Variants in SARDH observed in about 807,000 individuals in gnomAD.
The protein encoded by SARDH is sarcosine dehydrogenase, mitochondrial.
In SARDH, 95 loss-of-function variants were observed where a neutral mutation model predicts 109.1. The ratio of observed to expected loss-of-function variants is 0.87; its 90% CI spans 0.74 to 1.03. The LOEUF is 1.03. SARDH is among the 50% of genes least tolerant of loss of function. The pLI is 0.00. For missense variants in SARDH, 1,267 were observed against 1,287.8 expected, an observed-to-expected ratio of 0.98 and a Z score of 0.25; for synonymous variants, 572 against 534.8, an observed-to-expected ratio of 1.07 and a Z score of -0.96.
chr9:133,714,304 G>A (rs1832040550), intron 8 of SARDH, among the ~76,000 whole-genome samples: 1 of 152,194 alleles, frequency 6.6e-6, no homozygotes, highest in African/African-American at 2.4e-5. Context: ...GGCCAGGAGA[G>A]GCAGGGCTCC....
Position 133,712,815 on chromosome 9 carries a change from T to G in SARDH, c.1238-106A>C. The G allele has an allele frequency of 8.8e-7, 1 of 1,133,838 alleles. No individual in the cohort carries two copies. Among genetic ancestry groups the G allele is most frequent in the Non-Finnish European group, 1.3e-6 (1 of 783,488 alleles). 70.2% of individuals were successfully genotyped at this position (1,133,838 alleles called of 1,614,324 possible). A position where few individuals can be genotyped will look rare whatever the true frequency, so the allele number is the denominator to read the frequency against. On this transcript the variant is annotated intron_variant, in intron 9 of 20. Coordinates refer to ENST00000439388, the MANE Select transcript of SARDH (RefSeq NM_001134707.2). This position sits in a 1 kb window ranked among gnomAD's most constrained non-coding sequence, Gnocchi z 4.1. ...CGGACAGCACAGACACTCCAAGCTC[T>G]GCTCTCACACCTGGGGTGCTGCACG... is the stretch of plus-strand genomic sequence containing the variant.
intron 11 of SARDH, among the ~76,000 whole-genome samples, chr9:133,705,853 C>A (rs1050942220): frequency 6.6e-6 from 1 of 152,176 alleles, no homozygotes; most frequent in South Asian, 2.1e-4. Flanking sequence ...TAATCCCATA[C>A]GGCTGGAGCC....
At chr9:133,674,261 G>A (rs1021458313) in intron 17 of SARDH, among the ~76,000 whole-genome samples, 5 of 152,230 alleles carry the variant, frequency 3.3e-5, no homozygotes, top group African/African-American at 9.6e-5. Context: ...TGGGAACAGC[G>A]TCTCCCAGCG....
At chr9:133,729,073 G>T (rs573858874) in intron 6 of SARDH, among the ~76,000 whole-genome samples, 1 of 152,036 alleles carries the variant, frequency 6.6e-6, no homozygotes, top group East Asian at 1.9e-4. Context: ...AGGGATGAAG[G>T]AATAAATGGG....
intron 17 of SARDH, among the ~76,000 whole-genome samples, chr9:133,672,079 A>G (rs2519121): frequency 0.54 from 82,878 of 152,098 alleles, 23,218 homozygotes; most frequent in East Asian, 0.79. Flanking sequence ...CCATGTGGGC[A>G]AGCCACGCTT....
intron 17 of SARDH, among the ~76,000 whole-genome samples, chr9:133,673,631 A>G (rs1046045846): frequency 1.3e-5 from 2 of 151,976 alleles, no homozygotes; most frequent in Admixed American, 1.3e-4. Context: ...CTCCTAAAAA[A>G]CTCAAAATTG....
At chr9:133,694,042 A>G (rs12345624) in intron 15 of SARDH, among the ~76,000 whole-genome samples, 6,503 of 152,302 alleles carry the variant, frequency 0.043, 387 homozygotes, top group African/African-American at 0.12. Flanking sequence ...AGATGCAATC[A>G]CTGAGTACTG....
In SARDH at chr9:133,690,420, A is replaced by G. The variant is rs772279511; in HGVS notation, c.2029T>C (p.Ser677Pro). 1.2e-6 allele frequency: 2 copies of G among 1,613,224 alleles called. No individual in the cohort carries two copies. The highest frequency in any genetic ancestry group is 4.5e-5 in the East Asian group (2 of 44,862). ...ATACTGATCATACCCAGGTCCTCGG[A>G]GCTGTCGATGAGCTGGCACTGGGAC... ...QKSQCQLIDS[S>P]EDLGMISIQG... is the part of the protein sequence containing the mutation. Residue 677 changes from serine (S) to proline (P), a missense_variant, in exon 16 of 21, where the codon TCC (serine) becomes CCC (proline). Transcript: ENST00000439388.
At chr9:133,735,324 C>G (rs535223156) in intron 1 of SARDH, among the ~76,000 whole-genome samples, 2 of 152,194 alleles carry the variant, frequency 1.3e-5, no homozygotes, top group South Asian at 4.1e-4. Flanking sequence ...GGTTAACAGG[C>G]CTTCCTCCCC....
chr9:133,733,502 C>T (rs1832756562), intron 2 of SARDH, among the ~76,000 whole-genome samples: 1 of 152,230 alleles, frequency 6.6e-6, no homozygotes, highest in African/African-American at 2.4e-5. Flanking sequence ...CCCGTCCGTC[C>T]TTCTCCACTC....
chr9:133,706,469 G>A (rs1831700801), intron 11 of SARDH, among the ~76,000 whole-genome samples: 1 of 152,158 alleles, frequency 6.6e-6, no homozygotes. Context: ...AGGAAGGGCT[G>A]TTTACTGGGG....
Position 133,732,512 on chromosome 9 carries a change from TCTC to T in SARDH, c.418_420del (p.Glu140del), listed in dbSNP as rs780139918. 1.2e-5 allele frequency: 20 copies of T among 1,613,244 alleles called. No individual in the cohort carries two copies. Among genetic ancestry groups the T allele is most frequent in the African/African-American group, 2.7e-5 (2 of 74,660 alleles). ...TGGATCCAGCCCGTGTGTAGTCCCGTCTCCTCCTCCAGCTCCCGGCTCACCACC... is the reference window on the plus strand; with the variant it reads ...TGGATCCAGCCCGTGTGTAGTCCCGTCTCCTCCAGCTCCCGGCTCACCACC... On this transcript the variant is annotated inframe_deletion, in exon 3 of 21. Coordinates refer to ENST00000439388, the MANE Select transcript of SARDH (RefSeq NM_001134707.2).
chr9:133,717,375 C>A lies in SARDH; in HGVS notation c.1101G>T (p.Arg367Ser). Residue 367 changes from arginine to serine, a missense_variant, in exon 8 of 21, where the codon AGG becomes AGT. Coordinates refer to ENST00000439388, the MANE Select transcript of SARDH (RefSeq NM_001134707.2). ...FTQHIEGAIN[R>S]VPVLEKTGIK... is the part of the protein sequence containing the mutation. ...TTCCTGTCTTCTCCAGCACGGGGAC[C>A]CTGTTGATGGCGCCTTCAATGTGCT... The A allele has an allele frequency of 6.2e-7, 1 of 1,614,174 alleles. No individual in the cohort carries two copies. Among genetic ancestry groups the A allele is most frequent in the Non-Finnish European group, 8.5e-7 (1 of 1,180,020 alleles).
chr9:133,711,156 T>C (rs1831903674), intron 10 of SARDH, among the ~76,000 whole-genome samples: 1 of 152,188 alleles, frequency 6.6e-6, no homozygotes, highest in African/African-American at 2.4e-5. Flanking sequence ...TGAGCAAACA[T>C]CCTGTCTGCT....
At chr9:133,680,405 G>A (rs1322361976) in intron 17 of SARDH, among the ~76,000 whole-genome samples, 1 of 152,220 alleles carries the variant, frequency 6.6e-6, no homozygotes, top group Non-Finnish European at 1.5e-5. Context: ...GTGGCCAGTG[G>A]CTGTATCCCC....
rs1831841144 is a variant in SARDH at position 133,709,615 on chromosome 9, A to G, written c.1329-1187T>C. Among the ~76,000 whole-genome samples the G allele has an allele frequency of 6.6e-6, 1 of 152,042 alleles. No individual in the cohort carries two copies. The highest frequency in any genetic ancestry group is 2.4e-5 in the African/African-American group (1 of 41,398). ...TAGCAAGCAGAATTTTCTGATCTGG[A>G]TGGGTGGGGAGTAGAGGTGCAGACG... On this transcript the variant is annotated intron_variant, in intron 10 of 20. Transcript: ENST00000439388. This position sits in a 1 kb window ranked among gnomAD's most constrained non-coding sequence, Gnocchi z 4.2.
chr9:133,685,551 T>C (rs74587289), intron 16 of SARDH, among the ~76,000 whole-genome samples: 2,084 of 152,260 alleles, frequency 0.014, 49 homozygotes, highest in African/African-American at 0.047. Context: ...GGACTCGCGA[T>C]TCTTAGATGG....
At chr9:133,705,064 G>T in intron 11 of SARDH, 33 bp from the exon 12 acceptor site, 3 of 1,556,208 alleles carry the variant, frequency 1.9e-6, no homozygotes, top group Non-Finnish European at 2.6e-6. Flanking sequence ...CATCTGTCAC[G>T]CATGGCCTGA....
At chr9:133,699,454 C>T (rs1040706699) in intron 13 of SARDH, among the ~76,000 whole-genome samples, 4 of 151,890 alleles carry the variant, frequency 2.6e-5, no homozygotes, top group African/African-American at 7.3e-5. Flanking sequence ...TGCAGTGAGC[C>T]GAGATCACAC....
Sources: gnomAD v4.1 joint callset for allele counts (sites outside exome capture counted in the v4.1 genomes callset) on GRCh38, gnomAD v4.1.1 for gene constraint, Gnocchi (gnomAD v3.1) non-coding constraint, MANE v1.5 for transcripts, NCBI Gene and HGNC (gene_info 2026-07-23, HGNC 2026-07-21) for gene names.